Variants in TMEM232 observed in about 807,000 individuals in gnomAD.
TMEM232 encodes the protein transmembrane protein 232.
TMEM232 carries 80 observed loss-of-function variants against 78.8 expected under a neutral mutation model. The ratio of observed to expected loss-of-function variants is 1.01; its 90% confidence interval spans 0.85 to 1.22. The LOEUF (loss-of-function observed/expected upper bound fraction) is 1.22. TMEM232 is among the 50% of genes most tolerant of loss of function. The pLI is 0.00. For synonymous variants in TMEM232, 297 were observed against 254.3 expected (o/e 1.17, Z -1.60); for missense variants, 881 against 742.2 (o/e 1.19, Z -2.17).
At chr5:110,737,596 T>C (rs1427298153) in intron 1 of TMEM232, among the ~76,000 whole-genome samples, 2 of 152,204 alleles carry the variant, frequency 1.3e-5, no homozygotes, top group African/African-American at 4.8e-5. Flanking sequence ...AAGATTTACC[T>C]TTTTTCAATT....
intron 1 of TMEM232, among the ~76,000 whole-genome samples, chr5:110,723,354 G>C (rs1454593141): frequency 6.6e-6 from 1 of 152,112 alleles, no homozygotes; most frequent in Non-Finnish European, 1.5e-5. Flanking sequence ...AGGTGGGGCT[G>C]TGTGCTTTCC....
chr5:110,414,967 TC>T, downstream of TMEM232, among the ~76,000 whole-genome samples: 1 of 152,284 alleles, frequency 6.6e-6, no homozygotes, highest in South Asian at 2.1e-4. Context: ...ATCATTTGCT[TC>T]TTTGCTTCTC....
chr5:110,425,488 G>A (rs1757129802), intron 12 of TMEM232, among the ~76,000 whole-genome samples: 1 of 152,048 alleles, frequency 6.6e-6, no homozygotes, highest in Admixed American at 6.6e-5. Flanking sequence ...GGGTAAAGGA[G>A]AAAGTCTTAG....
At chr5:110,476,393 A>C (rs368484170) in intron 12 of TMEM232, among the ~76,000 whole-genome samples, 1 of 151,968 alleles carries the variant, frequency 6.6e-6, no homozygotes, top group African/African-American at 2.4e-5. Flanking sequence ...TTTACAAGTC[A>C]AAGAAAAGGA....
At chr5:110,525,292 T>G (rs1581077167) in intron 12 of TMEM232, among the ~76,000 whole-genome samples, 1 of 151,946 alleles carries the variant, frequency 6.6e-6, no homozygotes, top group East Asian at 1.9e-4. Context: ...ATAAATTATT[T>G]ATATCTGACA....
At chr5:110,498,431 A>C (rs1765859468) in intron 12 of TMEM232, among the ~76,000 whole-genome samples, 1 of 152,168 alleles carries the variant, frequency 6.6e-6, no homozygotes, top group African/African-American at 2.4e-5. Context: ...GGGAGCCTTA[A>C]CATTAAAAAT....
At chr5:110,416,198 C>T (rs1756202100), downstream of TMEM232, among the ~76,000 whole-genome samples, 2 of 152,200 alleles carry the variant, frequency 1.3e-5, no homozygotes. Context: ...AGAATCAGTA[C>T]AAGGAGCCTT....
At chr5:110,468,275 A>C (rs1334147613) in intron 12 of TMEM232, among the ~76,000 whole-genome samples, 1 of 151,896 alleles carries the variant, frequency 6.6e-6, no homozygotes, top group Non-Finnish European at 1.5e-5. Context: ...AAATAAATAT[A>C]TTTCATATAA....
intron 11 of TMEM232, among the ~76,000 whole-genome samples, chr5:110,556,338 TTCC>T (rs759508408): frequency 1.4e-5 from 2 of 140,382 alleles, no homozygotes; most frequent in African/African-American, 2.6e-5. Context: ...CTCCCTTTCC[TTCC>T]TCCCTTCCCT....
intron 1 of TMEM232, among the ~76,000 whole-genome samples, chr5:110,669,274 G>A (rs1413698894): frequency 2.0e-5 from 3 of 152,016 alleles, no homozygotes; most frequent in Non-Finnish European, 2.9e-5. Context: ...TCAAATAGAT[G>A]CAATAAAAAA....
chr5:110,406,309 T>C (rs1376665885), intron 2 of TMEM232, among the ~76,000 whole-genome samples: 4 of 99,958 alleles, frequency 4.0e-5, no homozygotes, highest in Non-Finnish European at 1.1e-4. Context: ...CACACACATA[T>C]GTGTCTATAT....
At chr5:110,575,426 A>G (rs1777465169) in intron 10 of TMEM232, among the ~76,000 whole-genome samples, 7 of 152,054 alleles carry the variant, frequency 4.6e-5, no homozygotes, top group Admixed American at 4.6e-4. Flanking sequence ...ATGAATAATG[A>G]AGACACTGAG....
chr5:110,595,608 C>T (rs1780066567), intron 10 of TMEM232, among the ~76,000 whole-genome samples: 1 of 152,120 alleles, frequency 6.6e-6, no homozygotes, highest in African/African-American at 2.4e-5. Flanking sequence ...AAAAACACAG[C>T]ATGAGAACTT....
chr5:110,604,363 G>A (rs1781291178), intron 10 of TMEM232, among the ~76,000 whole-genome samples: 1 of 151,952 alleles, frequency 6.6e-6, no homozygotes, highest in Non-Finnish European at 1.5e-5. Flanking sequence ...TGAGACATAA[G>A]ACAGCTACTA....
rs566258861 is a variant in TMEM232, at chr5:110,461,008, G to A, written c.1704-36092C>T. 2.8e-4 allele frequency among the ~76,000 whole-genome samples: 43 copies of A among 151,902 alleles called. 2 individuals carry two copies. In the South Asian group the frequency reaches 8.7e-3, roughly 31 times the overall value. Reference sequence around the variant, plus strand: ...GCTTCCCTATTCCCTGAGGCATAACGATATTTAAATTAGGCCTATTAATAA... The same window carrying A: ...GCTTCCCTATTCCCTGAGGCATAACAATATTTAAATTAGGCCTATTAATAA... On this transcript the variant is annotated intron_variant, in intron 12 of 13. Transcript: ENST00000455884.
chr5:110,586,789 G>T (rs1015008499), intron 10 of TMEM232, among the ~76,000 whole-genome samples: 1 of 151,970 alleles, frequency 6.6e-6, no homozygotes, highest in Non-Finnish European at 1.5e-5. Context: ...ATAAGCCATA[G>T]GTAATCAGAG....
chr5:110,700,214 C>T, intron 1 of TMEM232, among the ~76,000 whole-genome samples: 1 of 151,980 alleles, frequency 6.6e-6, no homozygotes, highest in East Asian at 1.9e-4. Context: ...CCAAATGAAA[C>T]TATGCTAGAC....
chr5:110,526,762 T>C (rs546776641), intron 12 of TMEM232, among the ~76,000 whole-genome samples: 1 of 152,092 alleles, frequency 6.6e-6, no homozygotes, highest in South Asian at 2.1e-4. Context: ...TTATTCTTTG[T>C]GGCATTGTGT....
At chr5:110,595,726 A>C (rs917369481) in intron 10 of TMEM232, among the ~76,000 whole-genome samples, 3 of 152,188 alleles carry the variant, frequency 2.0e-5, no homozygotes, top group Non-Finnish European at 2.9e-5. Context: ...AAATCAGAGA[A>C]AAAAGAATGA....
Sources: allele counts gnomAD v4.1 joint callset (sites outside exome capture counted in the v4.1 genomes callset), GRCh38; gene constraint gnomAD v4.1.1; transcripts MANE v1.5; gene names NCBI Gene and HGNC (gene_info 2026-07-23, HGNC 2026-07-21).